Variants in TMEM108 observed in about 807,000 individuals in gnomAD.
The protein encoded by TMEM108 is transmembrane protein 108, also known as cancer/testis antigen 124.
Under a neutral mutation model 35.1 loss-of-function variants are expected in TMEM108, and 12 were observed. The observed-to-expected ratio is 0.34, with a 90% confidence interval of 0.22 to 0.55. The LOEUF (loss-of-function observed/expected upper bound fraction) is 0.55, where lower values mean the gene tolerates loss of function less well. Ranked by LOEUF, TMEM108 falls within the 20% of genes least tolerant of loss-of-function variation. The pLI is 0.89. For missense variants in TMEM108, 680 were observed against 753.3 expected, an observed-to-expected ratio of 0.90 and a Z score of 1.14; for synonymous variants, 287 against 308.6, an observed-to-expected ratio of 0.93 and a Z score of 0.73.
chr3:133,107,545 G>A (rs1017223228), intron 2 of TMEM108, among the ~76,000 whole-genome samples: 9 of 151,878 alleles, frequency 5.9e-5, no homozygotes, highest in African/African-American at 2.2e-4. Context: ...AGGGAAAAGT[G>A]TGTAGTGGAA....
rs576666441 is a variant in TMEM108, at chr3:133,081,332, G to A, written c.-47+35312G>A. Among the ~76,000 whole-genome samples, 3 of 152,306 alleles carry A rather than the reference G, an allele frequency of 2.0e-5. No homozygotes were observed. The East Asian group carries it at 5.8e-4, about 29-fold the overall frequency. On this transcript the variant is annotated intron_variant, in intron 2 of 5. Transcript: ENST00000321871. ...TTGCAGATGGCCACCTCCTTGACGTGTTCTCACACGGCAGAAAGGGAAAGA... is the reference window on the plus strand; with the variant it reads ...TTGCAGATGGCCACCTCCTTGACGTATTCTCACACGGCAGAAAGGGAAAGA...
chr3:133,179,277 A>G (rs1291606606), intron 2 of TMEM108, among the ~76,000 whole-genome samples: 1 of 152,164 alleles, frequency 6.6e-6, no homozygotes, highest in Admixed American at 6.5e-5. Context: ...AACTAGAAAT[A>G]CCATGTGACC....
intron 3 of TMEM108, among the ~76,000 whole-genome samples, chr3:133,353,996 A>G (rs2072085890): frequency 6.6e-6 from 1 of 152,204 alleles, no homozygotes. Flanking sequence ...TTGCTTAGCA[A>G]TAAGGCTGCA....
intron 3 of TMEM108, among the ~76,000 whole-genome samples, chr3:133,312,037 G>C (rs919133953): frequency 1.3e-5 from 2 of 152,246 alleles, no homozygotes; most frequent in Non-Finnish European, 2.9e-5. Context: ...CGTATCACCA[G>C]CAGAGGCTGC....
At chr3:133,199,988 C>T (rs887241454) in intron 2 of TMEM108, among the ~76,000 whole-genome samples, 4 of 152,194 alleles carry the variant, frequency 2.6e-5, no homozygotes, top group African/African-American at 9.6e-5. Context: ...ACCCCAGCCT[C>T]ACTGCCACCT....
At chr3:133,387,186 A>G in intron 4 of TMEM108, 15 of 985,468 alleles carry the variant, frequency 1.5e-5, no homozygotes, top group Non-Finnish European at 1.8e-5. Context: ...ACTGTCATTA[A>G]TTAAGCATCC....
intron 2 of TMEM108, among the ~76,000 whole-genome samples, chr3:133,223,831 G>C (rs895575908): frequency 1.3e-5 from 2 of 152,152 alleles, no homozygotes; most frequent in Non-Finnish European, 2.9e-5. Context: ...TATAAAACTT[G>C]ACAGGACTGT....
chr3:133,344,141 G>A (rs899246307), intron 3 of TMEM108, among the ~76,000 whole-genome samples: 8 of 151,260 alleles, frequency 5.3e-5, no homozygotes, highest in African/African-American at 1.9e-4. Flanking sequence ...TTCTATACTG[G>A]ACCAAAAAAT....
At chr3:133,319,234 CTGA>C (rs2071235666) in intron 3 of TMEM108, among the ~76,000 whole-genome samples, 1 of 152,208 alleles carries the variant, frequency 6.6e-6, no homozygotes, top group African/African-American at 2.4e-5. Context: ...CTGCCCCCGC[CTGA>C]TGATTTTTCT....
At chr3:133,248,048 A>T (rs553323704) in intron 3 of TMEM108, 1 of 152,212 alleles carries the variant, frequency 6.6e-6, no homozygotes, top group Non-Finnish European at 1.5e-5. Context: ...CTATAAGTCA[A>T]GCCATGTTCT....
chr3:133,040,228 G>T (rs1943258567), intron 1 of TMEM108, among the ~76,000 whole-genome samples: 1 of 145,250 alleles, frequency 6.9e-6, no homozygotes. Context: ...TTTTGAGACG[G>T]AGTCTCCGTC....
At chr3:133,293,852 G>A (rs1947106969) in intron 3 of TMEM108, among the ~76,000 whole-genome samples, 1 of 152,052 alleles carries the variant, frequency 6.6e-6, no homozygotes, top group South Asian at 2.1e-4. Flanking sequence ...ACCTCAATTA[G>A]AGTATAACAG....
intron 3 of TMEM108, among the ~76,000 whole-genome samples, chr3:133,293,351 C>T (rs1003027804): frequency 2.7e-5 from 4 of 150,518 alleles, no homozygotes; most frequent in Non-Finnish European, 4.5e-5. Context: ...TATCTGTTCC[C>T]AAGCCTAACA....
At chr3:133,242,653 C>T (rs1469044090) in intron 3 of TMEM108, among the ~76,000 whole-genome samples, 32 of 152,236 alleles carry the variant, frequency 2.1e-4, no homozygotes, top group Non-Finnish European at 4.4e-5. Flanking sequence ...CTCAGGGTCT[C>T]TCCTGCCCTT....
chr3:133,317,217 T>C (rs2071210608), intron 3 of TMEM108, among the ~76,000 whole-genome samples: 1 of 152,204 alleles, frequency 6.6e-6, no homozygotes, highest in Non-Finnish European at 1.5e-5. Flanking sequence ...AAGGGATTTG[T>C]ATCCCCAAGG....
At chr3:133,260,143 G>C (rs1457271746) in intron 3 of TMEM108, among the ~76,000 whole-genome samples, 4 of 152,146 alleles carry the variant, frequency 2.6e-5, no homozygotes, top group African/African-American at 9.7e-5. Context: ...GCTCACCTGT[G>C]ACTGTTTGGG....
At chr3:133,196,994 A>G (rs569280562) in intron 2 of TMEM108, among the ~76,000 whole-genome samples, 4 of 152,202 alleles carry the variant, frequency 2.6e-5, no homozygotes, top group Non-Finnish European at 4.4e-5. Flanking sequence ...AAATTAGGAA[A>G]TTGAGAGAAT....
In TMEM108 at chr3:133,380,506, A is replaced by G. The variant is rs1576532448; in HGVS notation, c.795A>G (p.Ala265=). The G allele has an allele frequency of 6.2e-7, 1 of 1,613,452 alleles. No individual in the cohort carries two copies. Among genetic ancestry groups the G allele is most frequent in the Non-Finnish European group, 8.5e-7 (1 of 1,179,868 alleles). Reference sequence around the variant, plus strand: ...CAGTGCCCAGCAATACCTCATGGGCACCCACCACCACCTCCCTGGGGCCTG... The same window carrying G: ...CAGTGCCCAGCAATACCTCATGGGCGCCCACCACCACCTCCCTGGGGCCTG... ...ATTVPSNTSW[A]PTTTSLGPAK... is the part of the protein sequence containing the mutation. Residue 265 remains alanine, a synonymous_variant, in exon 4 of 6, where the codon GCA becomes GCG. Coordinates refer to ENST00000321871, the MANE Select transcript of TMEM108 (RefSeq NM_023943.4). This position sits in a 1 kb window ranked among gnomAD's most constrained non-coding sequence, Gnocchi z 5.3.
In TMEM108 at chr3:133,396,458, C is replaced by T. The variant is rs2073308120; in HGVS notation, c.*472C>T. ...CCGCCTCAGGGGAAGACGGCAGACT[C>T]ATGCACAGAGAAGGAAAAGGGAACA... On this transcript the variant is annotated 3_prime_UTR_variant, in exon 6 of 6. Coordinates refer to ENST00000321871, the MANE Select transcript of TMEM108 (RefSeq NM_023943.4). 1 of 152,490 alleles carries T rather than the reference C, an allele frequency of 6.6e-6. No homozygotes were observed. The highest frequency in any genetic ancestry group is 2.1e-4 in the South Asian group (1 of 4,834). The allele number at this position is 152,490 out of a possible 1,614,324, so 9.4% of individuals were successfully genotyped here.
Sources: gnomAD v4.1 joint callset for allele counts (sites outside exome capture counted in the v4.1 genomes callset) on GRCh38, gnomAD v4.1.1 for gene constraint, Gnocchi (gnomAD v3.1) non-coding constraint, MANE v1.5 for transcripts, NCBI Gene and HGNC (gene_info 2026-07-23, HGNC 2026-07-21) for gene names.